The following PLXNA4 variants were observed in gnomAD, a reference collection of about 807,000 sequenced individuals.
The protein encoded by PLXNA4 is plexin-A4.
A neutral mutation model predicts 191.8 loss-of-function variants in PLXNA4; 44 were observed. The ratio of observed to expected loss-of-function variants is 0.23; its 90% confidence interval spans 0.18 to 0.29. The LOEUF is 0.29. PLXNA4 is among the 10% of genes least tolerant of loss of function. The pLI, the probability that PLXNA4 is intolerant of heterozygous loss-of-function variation, is 1.00. For synonymous variants in PLXNA4, 1,082 were observed against 1,009.5 expected (o/e 1.07, Z -1.36); for missense variants, 1,800 against 2,488.8 (o/e 0.72, Z 5.89).
chr7:132,550,156 G>A (rs950152017), intron 1 of PLXNA4, among the ~76,000 whole-genome samples: 2 of 152,136 alleles, frequency 1.3e-5, no homozygotes, highest in African/African-American at 4.8e-5. Context: ...TCCCTAGGAA[G>A]ACAATGAAGG....
intron 1 of PLXNA4, among the ~76,000 whole-genome samples, chr7:132,535,599 C>G (rs1799800453): frequency 6.6e-6 from 1 of 152,162 alleles, no homozygotes; most frequent in Admixed American, 6.5e-5. Flanking sequence ...ATGGCAGCCG[C>G]CCCATAGCCC....
chr7:132,635,170 T>TTATATATATATATATATATA (rs3037811), intron 2 of PLXNA4, among the ~76,000 whole-genome samples: 24 of 131,800 alleles, frequency 1.8e-4, no homozygotes, highest in South Asian at 5.5e-4. Flanking sequence ...AAACTCCCCT[T>TTATATATATATATATATATA]TATATATATA....
intron 21 of PLXNA4, among the ~76,000 whole-genome samples, chr7:132,169,675 G>C (rs536136804): frequency 1.3e-5 from 2 of 152,184 alleles, no homozygotes; most frequent in East Asian, 3.9e-4. Context: ...AGAAATGACT[G>C]CTCTAGGGGA....
intron 3 of PLXNA4, 150 bp downstream of exon 3, chr7:132,489,142 A>T: frequency 1.3e-6 from 1 of 786,456 alleles, no homozygotes; most frequent in South Asian, 2.2e-5. Flanking sequence ...CAAGATGATC[A>T]TCATGACCTC....
At chr7:132,165,254 G>T in intron 22 of PLXNA4, 54 bp from the exon 23 acceptor site, 2 of 1,586,728 alleles carry the variant, frequency 1.3e-6, no homozygotes, top group Admixed American at 1.7e-5. Flanking sequence ...AGAAGCAGCT[G>T]GTCAGAGCCC....
chr7:132,508,231 TATG>T lies in PLXNA4; in HGVS notation c.460_462del (p.His154del). ...ACACCTGACAGATAGTGCTCCTTCT[TATG>T]ATAAGGCTCCCCCAGCTTGAAGAGG... On this transcript the variant is annotated inframe_deletion, in exon 2 of 32. Coordinates refer to ENST00000321063, the MANE Select transcript of PLXNA4 (RefSeq NM_020911.2). The surrounding 1 kb of genome is among the most constrained non-coding windows in gnomAD (Gnocchi z 4.4). 2 of 1,614,202 alleles carry T rather than the reference TATG, an allele frequency of 1.2e-6. No homozygotes were observed. The highest frequency in any genetic ancestry group is 1.7e-6 in the Non-Finnish European group (2 of 1,180,042).
intron 1 of PLXNA4, among the ~76,000 whole-genome samples, chr7:132,532,868 T>A (rs1799676306): frequency 4.6e-5 from 7 of 152,078 alleles, no homozygotes; most frequent in Admixed American, 4.6e-4. Flanking sequence ...TCCTTCCCCA[T>A]CTCTACACTT....
chr7:132,258,901 G>T (rs1417468129), intron 4 of PLXNA4, among the ~76,000 whole-genome samples: 1 of 152,150 alleles, frequency 6.6e-6, no homozygotes, highest in African/African-American at 2.4e-5. Flanking sequence ...CATCCAATTT[G>T]AAGAAAAATA....
chr7:132,189,030 A>AAGAG lies in PLXNA4; in HGVS notation c.2857-1427_2857-1424dup, dbSNP rs3085197. Among the ~76,000 whole-genome samples, 78 of 61,944 alleles carry AAGAG rather than the reference A, an allele frequency of 1.3e-3. 2 individuals are homozygous for AAGAG. Among genetic ancestry groups the AAGAG allele is most frequent in the Middle Eastern group, 0.016 (1 of 64 alleles). 40.6% of individuals were successfully genotyped at this position (61,944 alleles called of 152,430 possible). A position where few individuals can be genotyped will look rare whatever the true frequency, so the allele number is the denominator to read the frequency against. The stretch of plus-strand genomic sequence containing the variant: ...AGAGAGAGAGAGAGAGAGAGAGAGA[A>AAGAG]AGAGAGAGAGAGAGAGAGAGAGAGA... On this transcript the variant is annotated intron_variant, in intron 14 of 31. Coordinates refer to ENST00000321063, the MANE Select transcript of PLXNA4 (RefSeq NM_020911.2).
intron 4 of PLXNA4, among the ~76,000 whole-genome samples, chr7:132,273,817 C>T (rs1182310559): frequency 6.6e-6 from 1 of 152,064 alleles, no homozygotes; most frequent in African/African-American, 2.4e-5. Flanking sequence ...ACTGAAGGGG[C>T]GTTAAGCAGC....
intron 4 of PLXNA4, among the ~76,000 whole-genome samples, chr7:132,247,128 G>T (rs1249889860): frequency 2.6e-5 from 4 of 152,144 alleles, no homozygotes; most frequent in African/African-American, 7.2e-5. Flanking sequence ...TGGCAATAGG[G>T]TCTCACTCTG....
At chr7:132,447,240 ACTTCCTGCTCTCAGTGCTCTCACTGTGT>A (rs1378510825) in intron 3 of PLXNA4, among the ~76,000 whole-genome samples, 4 of 152,018 alleles carry the variant, frequency 2.6e-5, no homozygotes, top group African/African-American at 4.8e-5. Context: ...CTCATCCCCT[ACTTCCTGCTCTCAGTGCTCTCACTGTGT>A]CAGAACTCAG....
intron 21 of PLXNA4, among the ~76,000 whole-genome samples, chr7:132,172,384 C>T (rs1796312608): frequency 6.6e-6 from 1 of 152,180 alleles, no homozygotes; most frequent in Admixed American, 6.5e-5. Context: ...ACCCAGAGAG[C>T]CCCACTTGAG....
chr7:132,481,866 G>A (rs1390667577), intron 3 of PLXNA4, among the ~76,000 whole-genome samples: 1 of 152,190 alleles, frequency 6.6e-6, no homozygotes, highest in Non-Finnish European at 1.5e-5. Flanking sequence ...TGTTGAGGAA[G>A]TTTCCTCACC....
chr7:132,618,112 A>C (rs1221972956), intron 2 of PLXNA4, among the ~76,000 whole-genome samples: 1 of 152,204 alleles, frequency 6.6e-6, no homozygotes, highest in Non-Finnish European at 1.5e-5. Context: ...TCGTATGGCC[A>C]AACTCAGCTG....
chr7:132,169,364 G>A (rs35679562), intron 21 of PLXNA4, among the ~76,000 whole-genome samples: 52,674 of 151,934 alleles, frequency 0.35, 10,763 homozygotes, highest in African/African-American at 0.56. Flanking sequence ...TCAGGTAGGT[G>A]TGGAAGGCCC....
intron 4 of PLXNA4, among the ~76,000 whole-genome samples, chr7:132,290,856 GA>G (rs1563015551): frequency 1.3e-5 from 2 of 152,204 alleles, no homozygotes; most frequent in Non-Finnish European, 2.9e-5. Flanking sequence ...AGAGCTCACA[GA>G]GGGACCCACA....
chr7:132,277,968 G>A (rs751071240), intron 4 of PLXNA4, among the ~76,000 whole-genome samples: 45 of 152,146 alleles, frequency 3.0e-4, no homozygotes, highest in Non-Finnish European at 4.3e-4. Flanking sequence ...TGGGAATGTC[G>A]CTTGCCAGCC....
intron 4 of PLXNA4, among the ~76,000 whole-genome samples, chr7:132,250,112 C>T (rs1239897048): frequency 6.6e-6 from 1 of 152,204 alleles, no homozygotes; most frequent in African/African-American, 2.4e-5. Context: ...ACTTGGACAA[C>T]TTATTTAACT....
Sources: allele counts gnomAD v4.1 joint callset (sites outside exome capture counted in the v4.1 genomes callset), GRCh38; gene constraint gnomAD v4.1.1; non-coding constraint Gnocchi (gnomAD v3.1); transcripts MANE v1.5; gene names NCBI Gene and HGNC (gene_info 2026-07-23, HGNC 2026-07-21).